Variants in CSMD2 observed in about 807,000 individuals in gnomAD.
The protein encoded by CSMD2 is CUB and sushi domain-containing protein 2.
A neutral mutation model predicts 398.5 loss-of-function variants in CSMD2; 130 were observed. The observed-to-expected ratio is 0.33, with a 90% CI of 0.28 to 0.38. The LOEUF is 0.38. CSMD2 is among the 10% of genes least tolerant of loss of function. The pLI is 1.00. For synonymous variants in CSMD2, 1,828 were observed against 1,908.5 expected, an observed-to-expected ratio of 0.96 and a Z score of 1.10; for missense variants, 3,829 against 4,764.9, an observed-to-expected ratio of 0.80 and a Z score of 5.78.
rs996347508 is a variant in CSMD2 at position 33,903,659 on chromosome 1, A to C, written c.920+14435T>G. Reference sequence around the variant, plus strand: ...CCAAGATGCACATTAGGGGCTTGTCACGGTTCTGCTGGCAATGGCAGGGGA... The same window carrying C: ...CCAAGATGCACATTAGGGGCTTGTCCCGGTTCTGCTGGCAATGGCAGGGGA... On this transcript the variant is annotated intron_variant, in intron 5 of 70. Coordinates refer to ENST00000373381, the MANE Select transcript of CSMD2 (RefSeq NM_001281956.2). 4.7e-4 allele frequency among the ~76,000 whole-genome samples: 71 copies of C among 152,274 alleles called. 1 individual carries two copies. The highest frequency in any genetic ancestry group is 1.6e-3 in the African/African-American group (68 of 41,548).
At position 33,624,903 on chromosome 1, in the gene CSMD2, G is replaced by C. The variant is rs1228284925; in HGVS notation, c.5500+148C>G. On this transcript the variant is annotated intron_variant, in intron 34 of 70. Coordinates refer to ENST00000373381, the MANE Select transcript of CSMD2 (RefSeq NM_001281956.2). This position sits in a 1 kb window ranked among gnomAD's most constrained non-coding sequence, Gnocchi z 4.7. Reference sequence around the variant, plus strand: ...ACACAGCCCACAGCGCCGGGGACTGGGGTTGACTGGGACACCCCACCTCAG... The same window carrying C: ...ACACAGCCCACAGCGCCGGGGACTGCGGTTGACTGGGACACCCCACCTCAG... 2 of 903,384 alleles carry C rather than the reference G, an allele frequency of 2.2e-6. No homozygotes were observed. Among genetic ancestry groups the C allele is most frequent in the Non-Finnish European group, 3.4e-6 (2 of 582,442 alleles). 56.0% of individuals were successfully genotyped at this position (903,384 alleles called of 1,614,324 possible).
rs542401404 is a variant in CSMD2, at chr1:33,533,007, C to A, written c.10171+43G>T. 3.0e-5 allele frequency: 46 copies of A among 1,535,330 alleles called. No homozygotes were observed. In the African/African-American group the frequency reaches 5.7e-4, roughly 19 times the overall value. On this transcript the variant is annotated intron_variant, in intron 64 of 70. Transcript: ENST00000373381. The surrounding 1 kb of genome is among the most constrained non-coding windows in gnomAD (Gnocchi z 4.2). ...TCAGCTCAAGTTCAGCCAGCACTTT[C>A]AGCCTCCCGCCCTGGAGAGCTTCCC...
intron 3 of CSMD2, among the ~76,000 whole-genome samples, chr1:33,958,723 C>G (rs909451373): frequency 1.3e-5 from 2 of 152,162 alleles, no homozygotes; most frequent in Admixed American, 1.3e-4. Flanking sequence ...GCCCTCAGGT[C>G]TCTGATAAAA....
intron 39 of CSMD2, among the ~76,000 whole-genome samples, chr1:33,616,568 G>C (rs750210362): frequency 2.6e-4 from 39 of 152,166 alleles, no homozygotes; most frequent in Non-Finnish European, 4.7e-4. Flanking sequence ...AGATTTGTCT[G>C]TCTGTCCCAC....
chr1:33,796,289 C>T (rs1415565576), intron 10 of CSMD2, among the ~76,000 whole-genome samples: 1 of 152,218 alleles, frequency 6.6e-6, no homozygotes, highest in Non-Finnish European at 1.5e-5. Flanking sequence ...ATGAGAAATG[C>T]AGCACTGTTG....
intron 5 of CSMD2, among the ~76,000 whole-genome samples, chr1:33,888,947 T>TTTTAGTAGAGTAGTA (rs1553244630): frequency 6.6e-6 from 1 of 152,142 alleles, no homozygotes; most frequent in African/African-American, 2.4e-5. Context: ...TTGTTTTGTA[T>TTTTAGTAGAGTAGTA]TTTTAGTAGA....
chr1:33,836,670 G>T (rs796594648), intron 6 of CSMD2, among the ~76,000 whole-genome samples: 1 of 152,192 alleles, frequency 6.6e-6, no homozygotes, highest in African/African-American at 2.4e-5. Flanking sequence ...GCCATGCGTG[G>T]GATATAATCT....
Position 33,537,188 on chromosome 1 carries a change from C to T in CSMD2, c.9806-93G>A, listed in dbSNP as rs1005285700. On this transcript the variant is annotated intron_variant, in intron 61 of 70. Coordinates refer to ENST00000373381, the MANE Select transcript of CSMD2 (RefSeq NM_001281956.2). The surrounding 1 kb of genome is among the most constrained non-coding windows in gnomAD (Gnocchi z 4.6). ...GGAAATAGGTGTAGAAAAGAAAATG[C>T]GGCCACATCCTGACTTCCCTGCCCA... The T allele has an allele frequency of 1.5e-5, 21 of 1,402,278 alleles. No homozygotes were observed. Among genetic ancestry groups the T allele is most frequent in the South Asian group, 2.4e-5 (2 of 83,994 alleles). 86.9% of individuals were successfully genotyped at this position (1,402,278 alleles called of 1,614,324 possible). A position where few individuals can be genotyped will look rare whatever the true frequency, so the allele number is the denominator to read the frequency against.
intron 11 of CSMD2, among the ~76,000 whole-genome samples, chr1:33,791,328 C>T (rs1430059062): frequency 7.9e-5 from 12 of 152,100 alleles, no homozygotes; most frequent in Admixed American, 1.3e-4. Flanking sequence ...AGGGCTTAAG[C>T]GAGATAATTG....
chr1:34,125,574 T>C (rs1662660254), intron 1 of CSMD2, among the ~76,000 whole-genome samples: 1 of 151,014 alleles, frequency 6.6e-6, no homozygotes, highest in Non-Finnish European at 1.5e-5. Context: ...TGGCAGGCCG[T>C]TCTGCAGAAG....
chr1:33,553,460 CTATCTCCCTCTCCTTGAG>C (rs1206191976), intron 55 of CSMD2, among the ~76,000 whole-genome samples: 7 of 152,196 alleles, frequency 4.6e-5, no homozygotes, highest in Admixed American at 4.6e-4. Flanking sequence ...CATTCCTTGT[CTATCTCCCTCTCCTTGAG>C]TGCCCCTATT....
At chr1:33,962,775 G>T (rs951058157) in intron 3 of CSMD2, among the ~76,000 whole-genome samples, 15 of 152,204 alleles carry the variant, frequency 9.9e-5, no homozygotes, top group African/African-American at 3.4e-4. Context: ...GCAAATGTCT[G>T]CTGCTCGGTG....
At chr1:33,630,568 G>A (rs1200844107) in intron 32 of CSMD2, among the ~76,000 whole-genome samples, 2 of 152,074 alleles carry the variant, frequency 1.3e-5, no homozygotes, top group Non-Finnish European at 2.9e-5. Context: ...TGATTGTAGA[G>A]CCTGAGCTCA....
At chr1:33,637,517 A>G (rs1192232368) in intron 29 of CSMD2, among the ~76,000 whole-genome samples, 2 of 152,170 alleles carry the variant, frequency 1.3e-5, no homozygotes, top group Non-Finnish European at 2.9e-5. Flanking sequence ...ATCCCTCACC[A>G]TCAGCTGGAA....
At chr1:34,063,355 G>A (rs1417898053) in intron 2 of CSMD2, among the ~76,000 whole-genome samples, 1 of 152,204 alleles carries the variant, frequency 6.6e-6, no homozygotes, top group African/African-American at 2.4e-5. Context: ...TTCTGCCTAT[G>A]AGCCTGTAAA....
intron 1 of CSMD2, among the ~76,000 whole-genome samples, chr1:34,115,184 T>C (rs1032615160): frequency 2.6e-5 from 4 of 151,980 alleles, no homozygotes; most frequent in Admixed American, 1.3e-4. Flanking sequence ...GAAAGCTTAT[T>C]TGAAAAAAAT....
chr1:33,784,296 G>A (rs909509766), intron 12 of CSMD2, among the ~76,000 whole-genome samples: 1 of 152,116 alleles, frequency 6.6e-6, no homozygotes, highest in Non-Finnish European at 1.5e-5. Flanking sequence ...GAGGTGATAG[G>A]AGCCCAAGGA....
At chr1:33,830,256 C>T (rs1302884977) in intron 6 of CSMD2, among the ~76,000 whole-genome samples, 1 of 152,190 alleles carries the variant, frequency 6.6e-6, no homozygotes, top group South Asian at 2.1e-4. Context: ...CTGGGAGGCA[C>T]CCCCCAGTAG....
At chr1:33,749,169 C>T (rs1350980961) in intron 13 of CSMD2, among the ~76,000 whole-genome samples, 4 of 140,150 alleles carry the variant, frequency 2.9e-5, no homozygotes, top group Non-Finnish European at 4.5e-5. Context: ...CTGATCTCGG[C>T]TCACTGCAGG....
Sources: gnomAD v4.1 joint callset for allele counts (sites outside exome capture counted in the v4.1 genomes callset) on GRCh38, gnomAD v4.1.1 for gene constraint, Gnocchi (gnomAD v3.1) non-coding constraint, MANE v1.5 for transcripts, NCBI Gene and HGNC (gene_info 2026-07-23, HGNC 2026-07-21) for gene names.